The following FOXJ3 variants were observed in gnomAD, a reference collection of about 807,000 sequenced individuals.
The protein encoded by FOXJ3 is forkhead box J3.
In FOXJ3, 22 loss-of-function variants were observed where a neutral mutation model predicts 76.1. The observed-to-expected ratio is 0.29, with a 90% CI of 0.21 to 0.41. The LOEUF is 0.41. FOXJ3 is among the 10% of genes least tolerant of loss of function. FOXJ3 has a pLI of 1.00. For missense variants in FOXJ3, 613 were observed against 762.1 expected (o/e 0.80, Z 2.30); for synonymous variants, 269 against 261.2 (o/e 1.03, Z -0.29).
intron 2 of FOXJ3, among the ~76,000 whole-genome samples, chr1:42,308,361 A>G (rs577698381): frequency 1.3e-5 from 2 of 152,318 alleles, no homozygotes; most frequent in Non-Finnish European, 2.9e-5. Flanking sequence ...GGAAGACTCT[A>G]TGGGAAAGTA....
intron 2 of FOXJ3, among the ~76,000 whole-genome samples, chr1:42,307,600 T>C (rs1654545763): frequency 6.6e-6 from 1 of 152,220 alleles, no homozygotes; most frequent in Non-Finnish European, 1.5e-5. Context: ...GATAAAACAG[T>C]CTCATGTAGA....
In FOXJ3 at chr1:42,284,433, A is replaced by T. The variant is rs182979577; in HGVS notation, c.45-5761T>A. Among the ~76,000 whole-genome samples the T allele has an allele frequency of 2.1e-3, 321 of 152,318 alleles. 3 individuals carry two copies. Among genetic ancestry groups the T allele is most frequent in the Non-Finnish European group, 2.6e-3 (179 of 68,022 alleles). The stretch of plus-strand genomic sequence containing the variant: ...CATTTAAAGTGAAGTCCTAAAAGAG[A>T]AATAAACTTTGATTAGAGTTACAAG... On this transcript the variant is annotated intron_variant, in intron 2 of 12. Coordinates refer to ENST00000361346, the MANE Select transcript of FOXJ3 (RefSeq NM_014947.5).
At chr1:42,187,930 A>G (rs1646469478) in intron 11 of FOXJ3, among the ~76,000 whole-genome samples, 1 of 152,256 alleles carries the variant, frequency 6.6e-6, no homozygotes, top group Non-Finnish European at 1.5e-5. Flanking sequence ...ATACAGGAAT[A>G]AAGATTTCAT....
chr1:42,256,505 A>T (rs1385228750), intron 4 of FOXJ3, among the ~76,000 whole-genome samples: 2 of 142,714 alleles, frequency 1.4e-5, no homozygotes, highest in Non-Finnish European at 3.0e-5. Context: ...AGGAAAATTC[A>T]AATCAAAACC....
chr1:42,334,430 G>C (rs1311495674), intron 1 of FOXJ3, among the ~76,000 whole-genome samples: 1 of 152,110 alleles, frequency 6.6e-6, no homozygotes, highest in Non-Finnish European at 1.5e-5. Flanking sequence ...GGGGGGGCGG[G>C]AGACACTCTA....
chr1:42,185,868 G>A (rs1348469138), intron 11 of FOXJ3, among the ~76,000 whole-genome samples: 3 of 152,062 alleles, frequency 2.0e-5, no homozygotes, highest in African/African-American at 7.3e-5. Context: ...GGAGTCTACA[G>A]GAAGCTCATG....
intron 5 of FOXJ3, among the ~76,000 whole-genome samples, chr1:42,210,540 C>T (rs576392696): frequency 6.6e-6 from 1 of 152,306 alleles, no homozygotes; most frequent in South Asian, 2.1e-4. Flanking sequence ...GAGAAATTTT[C>T]TGCATGACCT....
chr1:42,209,767 C>A (rs1223816254), intron 5 of FOXJ3, among the ~76,000 whole-genome samples: 1 of 152,204 alleles, frequency 6.6e-6, no homozygotes, highest in African/African-American at 2.4e-5. Context: ...CTAATCCTAT[C>A]TCAGGGAAGA....
At chr1:42,225,466 A>G (rs1466931600) in intron 5 of FOXJ3, among the ~76,000 whole-genome samples, 1 of 152,224 alleles carries the variant, frequency 6.6e-6, no homozygotes, top group Non-Finnish European at 1.5e-5. Flanking sequence ...TCAGTTTATC[A>G]GGGCAGGAAA....
intron 6 of FOXJ3, among the ~76,000 whole-genome samples, chr1:42,200,005 CAAAAAAAAAAAA>C (rs11355641): frequency 1.3e-5 from 1 of 76,086 alleles, no homozygotes; most frequent in African/African-American, 5.5e-5. Flanking sequence ...GACTCTGTCT[CAAAAAAAAAAAA>C]AAAAAAAAAA....
At chr1:42,301,422 G>A (rs569574175) in intron 2 of FOXJ3, among the ~76,000 whole-genome samples, 75 of 151,950 alleles carry the variant, frequency 4.9e-4, no homozygotes, top group Non-Finnish European at 7.4e-4. Flanking sequence ...GGCTGGTCTC[G>A]AACTCCTGAC....
At chr1:42,275,695 T>A (rs905317915) in intron 3 of FOXJ3, among the ~76,000 whole-genome samples, 29 of 151,870 alleles carry the variant, frequency 1.9e-4, no homozygotes, top group Admixed American at 9.8e-4. Context: ...AATAAAAATT[T>A]AAAAAAAGAA....
At chr1:42,211,079 AGTTT>A (rs1028565377) in intron 5 of FOXJ3, among the ~76,000 whole-genome samples, 3 of 152,082 alleles carry the variant, frequency 2.0e-5, no homozygotes, top group Non-Finnish European at 4.4e-5. Context: ...CAGTGGGGAA[AGTTT>A]GTTTGGCTCT....
intron 4 of FOXJ3, among the ~76,000 whole-genome samples, chr1:42,261,466 T>G (rs1220269785): frequency 6.6e-6 from 1 of 151,806 alleles, no homozygotes; most frequent in African/African-American, 2.4e-5. Flanking sequence ...GTGAGAAAAA[T>G]GAATCTCAGA....
Position 42,227,927 on chromosome 1 carries a change from C to T in FOXJ3, c.484G>A (p.Val162Met). 1 of 1,577,760 alleles carries T rather than the reference C, an allele frequency of 6.3e-7. No homozygotes were observed. The highest frequency in any genetic ancestry group is 8.7e-7 in the Non-Finnish European group (1 of 1,154,324). The change falls in exon 5 of 13, where the codon GTG (valine) becomes ATG (methionine). Residue 162 changes from valine (V) to methionine (M), a missense_variant. Val to Met is a conservative substitution (Grantham distance 21, BLOSUM62 1). Transcript: ENST00000361346. ...CTCTTCTTTGGCCGAGTAGGCAGCA[C>T]ATCTTCCTTCGGATTGGTGTCTATT... is the stretch of plus-strand genomic sequence containing the variant. ...WAIDTNPKED[V>M]LPTRPKKRAR...
At chr1:42,286,926 G>A (rs1252476293) in intron 2 of FOXJ3, among the ~76,000 whole-genome samples, 5 of 151,670 alleles carry the variant, frequency 3.3e-5, no homozygotes, top group African/African-American at 9.7e-5. Context: ...GAGCCACCAC[G>A]CCCAGCCAAG....
chr1:42,184,459 CCATT>C (rs1646393880), intron 11 of FOXJ3, among the ~76,000 whole-genome samples: 1 of 151,920 alleles, frequency 6.6e-6, no homozygotes, highest in Non-Finnish European at 1.5e-5. Flanking sequence ...ATAGAAATTC[CCATT>C]AATTCTCATT....
intron 1 of FOXJ3, among the ~76,000 whole-genome samples, chr1:42,327,721 A>C (rs563453674): frequency 1.1e-4 from 17 of 152,336 alleles, no homozygotes; most frequent in African/African-American, 4.1e-4. Context: ...CCAATTTACA[A>C]GGTTTTTAAT....
At position 42,238,732 on chromosome 1, in the gene FOXJ3, T is replaced by G. The variant is rs1274134745; in HGVS notation, c.445-10766A>C. Among the ~76,000 whole-genome samples the G allele has an allele frequency of 3.3e-5, 5 of 152,022 alleles. No homozygotes were observed. In the South Asian group the frequency reaches 8.3e-4, roughly 25 times the overall value. ...CACAACCATACCTGGCAAATTTGTC[T>G]TCTTCTTTGTATGTTGCCCAGGCTG... On this transcript the variant is annotated intron_variant, in intron 4 of 12. Transcript: ENST00000361346.
Sources: allele counts gnomAD v4.1 joint callset (sites outside exome capture counted in the v4.1 genomes callset), GRCh38; gene constraint gnomAD v4.1.1; transcripts MANE v1.5; gene names NCBI Gene and HGNC (gene_info 2026-07-23, HGNC 2026-07-21).